The following ARHGEF11 variants were observed in gnomAD, a reference collection of about 807,000 sequenced individuals.
ARHGEF11 encodes the protein Rho guanine exchange factor (GEF) 11.
Under a neutral mutation model 193.7 loss-of-function variants are expected in ARHGEF11, and 55 were observed. That is an observed-to-expected ratio of 0.28 (90% CI 0.23 to 0.36). The LOEUF (loss-of-function observed/expected upper bound fraction) is 0.36, where lower values mean the gene tolerates loss of function less well. Ranked by LOEUF, ARHGEF11 falls within the 10% of genes least tolerant of loss-of-function variation. ARHGEF11 has a pLI of 1.00. For missense variants in ARHGEF11, 1,723 were observed against 2,005.6 expected (o/e 0.86, Z 2.69); for synonymous variants, 693 against 768.0 (o/e 0.90, Z 1.62).
At position 156,935,960 on chromosome 1, in the gene ARHGEF11, A is replaced by G; in HGVS notation, c.*40T>C. ...GCCCCGGTCTCAGGCCAGTCCCTGA[A>G]GGAGGAGTGGGGACGCAGAGGATTT... On this transcript the variant is annotated 3_prime_UTR_variant, in exon 41 of 41. Coordinates refer to ENST00000368194, the MANE Select transcript of ARHGEF11 (RefSeq NM_198236.3). 1 of 1,592,920 alleles carries G rather than the reference A, an allele frequency of 6.3e-7. No homozygotes were observed. The highest frequency in any genetic ancestry group is 8.6e-7 in the Non-Finnish European group (1 of 1,166,880).
chr1:156,946,832 C>A lies in ARHGEF11; in HGVS notation c.2569-45G>T, dbSNP rs1245763404. 3.8e-6 allele frequency: 6 copies of A among 1,594,146 alleles called. No homozygotes were observed. In the African/African-American group the frequency reaches 4.6e-5, roughly 12 times the overall value. On this transcript the variant is annotated intron_variant, in intron 27 of 40. Transcript: ENST00000368194. ...ACGGGGCCAGGCATCAAACCCCTGC[C>A]TGGGACCAGACCCCTGCCTTTGCCA...
intron 1 of ARHGEF11, among the ~76,000 whole-genome samples, chr1:157,008,714 G>A (rs939972196): frequency 9.8e-5 from 15 of 152,298 alleles, no homozygotes; most frequent in African/African-American, 3.4e-4. Flanking sequence ...GCCTTGGAAT[G>A]TGTTTATGTA....
At chr1:156,973,716 C>G (rs767341715) in intron 7 of ARHGEF11, among the ~76,000 whole-genome samples, 1 of 152,142 alleles carries the variant, frequency 6.6e-6, no homozygotes, top group East Asian at 1.9e-4. Flanking sequence ...CCTGATCTAC[C>G]CAGACACACA....
At chr1:156,995,100 C>T (rs373011702) in intron 1 of ARHGEF11, among the ~76,000 whole-genome samples, 5 of 152,314 alleles carry the variant, frequency 3.3e-5, no homozygotes, top group African/African-American at 1.2e-4. Context: ...TCTCTTCTCC[C>T]CCTCTCTGCC....
At position 156,935,971 on chromosome 1, in the gene ARHGEF11, G is replaced by A. The variant is rs1434014914; in HGVS notation, c.*29C>T. 1.9e-6 allele frequency: 3 copies of A among 1,601,906 alleles called. No individual in the cohort carries two copies. The highest frequency in any genetic ancestry group is 1.1e-5 in the South Asian group (1 of 89,578). On this transcript the variant is annotated 3_prime_UTR_variant, in exon 41 of 41. Coordinates refer to ENST00000368194, the MANE Select transcript of ARHGEF11 (RefSeq NM_198236.3). ...AGGCCAGTCCCTGAAGGAGGAGTGG[G>A]GACGCAGAGGATTTGGTGGTTTGTA...
chr1:156,982,994 A>G (rs748361966), intron 3 of ARHGEF11, among the ~76,000 whole-genome samples: 1 of 152,132 alleles, frequency 6.6e-6, no homozygotes, highest in Admixed American at 6.5e-5. Context: ...TCCTGTGAAC[A>G]TATCTCATAT....
In ARHGEF11 at chr1:156,963,258, G is replaced by A; in HGVS notation, c.1085C>T (p.Ala362Val). The change falls in exon 13 of 41, where the codon GCT becomes GTT. Residue 362 changes from alanine to valine, a missense_variant. This residue lies in a region of ARHGEF11 where 646 missense variants were observed against 710.7 expected (regional missense o/e 0.91). Transcript: ENST00000368194. The stretch of plus-strand genomic sequence containing the variant: ...GTAACGTAGAAAAACCCCCAGGTGA[G>A]CTGGCCGAGACTTCAGTTTCTCCAG... ...QDLEKLKSRP[A>V]HLGVFLRYIF... 1 of 1,614,184 alleles carries A rather than the reference G, an allele frequency of 6.2e-7. No individual in the cohort carries two copies. Among genetic ancestry groups the A allele is most frequent in the South Asian group, 1.1e-5 (1 of 91,080 alleles).
chr1:156,992,175 A>G (rs886314089), intron 1 of ARHGEF11, among the ~76,000 whole-genome samples: 1 of 152,134 alleles, frequency 6.6e-6, no homozygotes, highest in African/African-American at 2.4e-5. Flanking sequence ...TCTTCTTGTA[A>G]AACTAAATAA....
chr1:157,015,816 G>A (rs1669150001), intron 1 of ARHGEF11, among the ~76,000 whole-genome samples: 2 of 152,190 alleles, frequency 1.3e-5, no homozygotes, highest in Admixed American at 6.5e-5. Context: ...GTCTCCCAGG[G>A]GGAGCCAGAT....
At chr1:156,938,318 G>C in intron 38 of ARHGEF11, 100 bp downstream of exon 38, 1 of 1,087,420 alleles carries the variant, frequency 9.2e-7, no homozygotes, top group South Asian at 1.6e-5. Context: ...GAGGGAGCTT[G>C]TGGGTGTGTG....
chr1:156,955,720 T>C lies in ARHGEF11; in HGVS notation c.1751A>G (p.Lys584Arg), dbSNP rs1444856552. The stretch of plus-strand genomic sequence containing the variant: ...ATACTCACTGCTTTGAGAAGAGCTT[T>C]TGGGCTTCCCAATGTATTTGAGGAT... ...NPILKYIGKP[K>R]SSSQSTFHIP... The change falls in exon 20 of 41, where the codon AAA becomes AGA. Residue 584 changes from lysine (K) to arginine (R), a missense_variant. Around this residue, in one of 5 missense-constraint regions of ARHGEF11, gnomAD observed 491 missense variants for 654.5 expected, o/e 0.75. Transcript: ENST00000368194. The C allele has an allele frequency of 1.9e-6, 3 of 1,614,110 alleles. No individual in the cohort carries two copies. Among genetic ancestry groups the C allele is most frequent in the Non-Finnish European group, 2.5e-6 (3 of 1,179,954 alleles).
intron 26 of ARHGEF11, 106 bp from the exon 27 acceptor site, chr1:156,947,121 T>A: frequency 6.6e-7 from 1 of 1,509,836 alleles, no homozygotes; most frequent in Non-Finnish European, 9.1e-7. Context: ...ATGGGAAGGG[T>A]CTGGAAACCA....
At chr1:157,037,780 C>T (rs1365294925) in intron 1 of ARHGEF11, among the ~76,000 whole-genome samples, 1 of 152,036 alleles carries the variant, frequency 6.6e-6, no homozygotes, top group African/African-American at 2.4e-5. Flanking sequence ...CCTGTAATCC[C>T]AGCACTTTGG....
chr1:157,023,012 C>T (rs546787333), intron 1 of ARHGEF11, among the ~76,000 whole-genome samples: 6 of 152,240 alleles, frequency 3.9e-5, no homozygotes, highest in African/African-American at 1.4e-4. Context: ...TCAAAATGGA[C>T]CATAGACTAT....
intron 6 of ARHGEF11, 139 bp from the exon 7 acceptor site, chr1:156,977,193 C>T (rs1251807404): frequency 1.6e-5 from 12 of 732,604 alleles, no homozygotes; most frequent in South Asian, 1.0e-4. Flanking sequence ...AGTACCTTGC[C>T]GGAATGCAGT....
intron 1 of ARHGEF11, among the ~76,000 whole-genome samples, chr1:157,028,608 C>T (rs775913348): frequency 6.6e-6 from 1 of 152,090 alleles, no homozygotes; most frequent in African/African-American, 2.4e-5. Flanking sequence ...TCCCACTTTA[C>T]AATTGATAAA....
At chr1:156,976,947 A>G in intron 7 of ARHGEF11, 36 bp downstream of exon 7, 1 of 1,572,300 alleles carries the variant, frequency 6.4e-7, no homozygotes. Flanking sequence ...TATTTCACTC[A>G]GGCAATGGCC....
intron 1 of ARHGEF11, among the ~76,000 whole-genome samples, chr1:157,003,903 G>GT (rs1557937292): frequency 6.6e-6 from 1 of 152,170 alleles, no homozygotes; most frequent in African/African-American, 2.4e-5. Context: ...TCATTAAAGC[G>GT]TTTAGCACAG....
chr1:156,994,409 G>C lies in ARHGEF11; in HGVS notation c.33-8236C>G, dbSNP rs1459139659. Among the ~76,000 whole-genome samples the C allele has an allele frequency of 3.7e-5, 4 of 107,352 alleles. No individual in the cohort carries two copies. In the East Asian group the frequency reaches 1.5e-3, roughly 39 times the overall value. The allele number at this position is 107,352 out of a possible 152,430, so 70.4% of individuals were successfully genotyped here. Reference sequence around the variant, plus strand: ...TATTGTGTGTTTTTTTTTTTTTTCAGGTGTACAGTAGGTGAGCTATGCTTG... The same window carrying C: ...TATTGTGTGTTTTTTTTTTTTTTCACGTGTACAGTAGGTGAGCTATGCTTG... On this transcript the variant is annotated intron_variant, in intron 1 of 40. Transcript: ENST00000368194.
Sources: allele counts gnomAD v4.1 joint callset (sites outside exome capture counted in the v4.1 genomes callset), GRCh38; gene constraint gnomAD v4.1.1; regional missense constraint gnomAD v4.1.1; transcripts MANE v1.5; gene names NCBI Gene and HGNC (gene_info 2026-07-23, HGNC 2026-07-21).